Variants in CERS6 observed in about 807,000 individuals in gnomAD.
The protein encoded by CERS6 is LAG1 homolog, ceramide synthase 6.
In CERS6, 26 loss-of-function variants were observed where a neutral mutation model predicts 56.8. The ratio of observed to expected loss-of-function variants is 0.46; its 90% CI spans 0.34 to 0.63. CERS6 has a LOEUF of 0.63. CERS6 is among the 30% of genes least tolerant of loss of function. The probability of loss-of-function intolerance (pLI) is 0.01; values close to 1 mark genes in which losing one functional copy is unlikely to be tolerated. For synonymous variants in CERS6, 164 were observed against 173.3 expected, an observed-to-expected ratio of 0.95 and a Z score of 0.42; for missense variants, 415 against 467.5, an observed-to-expected ratio of 0.89 and a Z score of 1.04.
chr2:168,519,889 T>C (rs763647091), intron 1 of CERS6, among the ~76,000 whole-genome samples: 7 of 152,240 alleles, frequency 4.6e-5, no homozygotes, highest in Non-Finnish European at 7.3e-5. Flanking sequence ...GTGATGAACA[T>C]ACAAGTGCAG....
rs529806575 is a variant in CERS6 at position 168,579,914 on chromosome 2, T to G, written c.407+18592T>G. 3.5e-4 allele frequency among the ~76,000 whole-genome samples: 54 copies of G among 152,262 alleles called. 2 individuals carry two copies. Among genetic ancestry groups the G allele is most frequent in the African/African-American group, 1.2e-3 (51 of 41,548 alleles). Reference sequence around the variant, plus strand: ...CATCCTGGAACGTTCTGCTCCACATTTTCAACTTTCTGCATCTCCCTAGTG... The same window carrying G: ...CATCCTGGAACGTTCTGCTCCACATGTTCAACTTTCTGCATCTCCCTAGTG... On this transcript the variant is annotated intron_variant, in intron 3 of 9. Transcript: ENST00000305747.
chr2:168,638,117 T>A (rs1035974571), intron 4 of CERS6, among the ~76,000 whole-genome samples: 2 of 152,196 alleles, frequency 1.3e-5, no homozygotes, highest in African/African-American at 2.4e-5. Context: ...TTTGCTTTAT[T>A]TATCTGCTAC....
intron 4 of CERS6, among the ~76,000 whole-genome samples, chr2:168,668,110 G>A (rs1359119664): frequency 6.6e-6 from 1 of 152,172 alleles, no homozygotes; most frequent in Non-Finnish European, 1.5e-5. Context: ...ATCAACAGAT[G>A]TTTTTCAAAT....
chr2:168,641,033 G>C (rs576261991), intron 4 of CERS6, among the ~76,000 whole-genome samples: 47 of 152,136 alleles, frequency 3.1e-4, no homozygotes, highest in African/African-American at 9.4e-4. Flanking sequence ...TCCATCCCTT[G>C]GCCCAATCCA....
At chr2:168,766,343 C>T in intron 9 of CERS6, 1 of 1,597,996 alleles carries the variant, frequency 6.3e-7, no homozygotes, top group African/African-American at 1.3e-5. Context: ...GAACCCTTTA[C>T]ATGTAAGTTT....
intron 4 of CERS6, among the ~76,000 whole-genome samples, chr2:168,676,050 T>G (rs971338322): frequency 1.3e-5 from 2 of 152,232 alleles, no homozygotes; most frequent in African/African-American, 4.8e-5. Context: ...TATGGTTTAG[T>G]AGAAGACAGC....
intron 4 of CERS6, among the ~76,000 whole-genome samples, chr2:168,689,563 GCACACGCT>G (rs1289343881): frequency 6.6e-6 from 1 of 152,096 alleles, no homozygotes; most frequent in Non-Finnish European, 1.5e-5. Context: ...GTAGTTTTAT[GCACACGCT>G]CTCATTTGAT....
chr2:168,700,694 T>A (rs546088344), intron 6 of CERS6, among the ~76,000 whole-genome samples: 1 of 152,324 alleles, frequency 6.6e-6, no homozygotes, highest in Admixed American at 6.5e-5. Flanking sequence ...CCTAATTCGA[T>A]GTGACCTTGA....
intron 3 of CERS6, among the ~76,000 whole-genome samples, chr2:168,564,530 T>G (rs946732032): frequency 3.3e-5 from 5 of 152,212 alleles, no homozygotes. Flanking sequence ...AACTATAGGA[T>G]AAATATTAGG....
chr2:168,460,512 T>C lies in CERS6; in HGVS notation c.170+3894T>C, dbSNP rs192185907. On this transcript the variant is annotated intron_variant, in intron 1 of 9. Transcript: ENST00000305747. ...GCACCTGGTCAAGAGATTTTTTTTT[T>C]CCACAGAAATATTGTAGTCAATGGT... is the stretch of plus-strand genomic sequence containing the variant. 9.3e-4 allele frequency among the ~76,000 whole-genome samples: 142 copies of C among 152,274 alleles called. 1 individual carries two copies. Among genetic ancestry groups the C allele is most frequent in the African/African-American group, 3.2e-3 (134 of 41,558 alleles).
intron 2 of CERS6, among the ~76,000 whole-genome samples, chr2:168,553,743 A>G (rs1695619389): frequency 6.6e-6 from 1 of 152,192 alleles, no homozygotes; most frequent in Non-Finnish European, 1.5e-5. Context: ...GTAAGTTTTG[A>G]ATATATTTAA....
At chr2:168,652,747 C>G (rs1026428851) in intron 4 of CERS6, among the ~76,000 whole-genome samples, 5 of 152,062 alleles carry the variant, frequency 3.3e-5, no homozygotes, top group African/African-American at 1.2e-4. Flanking sequence ...CCTGGGAAAT[C>G]TGGCCCTTTC....
At chr2:168,754,566 A>G (rs1684365838) in intron 8 of CERS6, among the ~76,000 whole-genome samples, 1 of 152,094 alleles carries the variant, frequency 6.6e-6, no homozygotes, top group South Asian at 2.1e-4. Context: ...CAAGCTAAAT[A>G]AGATGGGTGG....
chr2:168,504,640 G>T (rs1694643330), intron 1 of CERS6, among the ~76,000 whole-genome samples: 1 of 151,500 alleles, frequency 6.6e-6, no homozygotes, highest in Non-Finnish European at 1.5e-5. Flanking sequence ...AGGATTGTAT[G>T]TGGGTCTGGC....
intron 6 of CERS6, among the ~76,000 whole-genome samples, chr2:168,707,887 A>T (rs912889180): frequency 2.0e-5 from 3 of 152,084 alleles, no homozygotes; most frequent in African/African-American, 2.4e-5. Context: ...TTGTACTGCT[A>T]TTTATTCTAG....
At chr2:168,576,312 C>A (rs537514882) in intron 3 of CERS6, among the ~76,000 whole-genome samples, 8 of 152,234 alleles carry the variant, frequency 5.3e-5, no homozygotes, top group African/African-American at 1.9e-4. Context: ...TGACAAAGAG[C>A]CAGTCTTATC....
At chr2:168,625,256 T>G (rs1239048497) in intron 3 of CERS6, among the ~76,000 whole-genome samples, 4 of 152,134 alleles carry the variant, frequency 2.6e-5, no homozygotes, top group Non-Finnish European at 5.9e-5. Context: ...ACAATAACAG[T>G]TTTTTCATTA....
Position 168,732,730 on chromosome 2 carries a change from T to C in CERS6, c.845+14752T>C, listed in dbSNP as rs1262788830. 2.0e-5 allele frequency among the ~76,000 whole-genome samples: 3 copies of C among 152,330 alleles called. No homozygotes were observed. The East Asian group carries it at 5.8e-4, about 29-fold the overall frequency. On this transcript the variant is annotated intron_variant, in intron 8 of 9. Transcript: ENST00000305747. ...ACTGACTTGTGGCTTTTCTGACTCTTTCTCTCTCCCTTTTTTTAAAACTTG... is the reference window on the plus strand; with the variant it reads ...ACTGACTTGTGGCTTTTCTGACTCTCTCTCTCTCCCTTTTTTTAAAACTTG...
chr2:168,653,429 A>G (rs1685393915), intron 4 of CERS6, among the ~76,000 whole-genome samples: 1 of 152,198 alleles, frequency 6.6e-6, no homozygotes, highest in East Asian at 1.9e-4. Flanking sequence ...CATACCTAGA[A>G]TTCTTTTTTT....
Sources: gnomAD v4.1 joint callset for allele counts (sites outside exome capture counted in the v4.1 genomes callset) on GRCh38, gnomAD v4.1.1 for gene constraint, MANE v1.5 for transcripts, NCBI Gene and HGNC (gene_info 2026-07-23, HGNC 2026-07-21) for gene names.